ME3: variants seen among roughly 807,000 people sequenced by gnomAD.
ME3 encodes the protein malic enzyme 3.
A neutral mutation model predicts 68.9 loss-of-function variants in ME3; 48 were observed. The ratio of observed to expected loss-of-function variants is 0.70; its 90% CI spans 0.55 to 0.89. The LOEUF is 0.89. Among genes scored for constraint, ME3 ranks in the 40% least tolerant of loss-of-function variants. The probability of loss-of-function intolerance (pLI) is 0.00; values close to 1 mark genes in which losing one functional copy is unlikely to be tolerated. For missense variants in ME3, 675 were observed against 797.4 expected (o/e 0.85, Z 1.85); for synonymous variants, 320 against 318.8 (o/e 1.00, Z -0.04).
intron 4 of ME3, among the ~76,000 whole-genome samples, chr11:86,522,129 A>T (rs1954361919): frequency 1.3e-5 from 2 of 152,174 alleles, no homozygotes; most frequent in South Asian, 4.1e-4. Flanking sequence ...ACGCACCTGT[A>T]GTCCCAGCTA....
intron 8 of ME3, among the ~76,000 whole-genome samples, chr11:86,457,011 C>T (rs1390897095): frequency 1.3e-5 from 2 of 152,224 alleles, no homozygotes; most frequent in African/African-American, 4.8e-5. Context: ...AGACCCTCTG[C>T]CTCCAATGTC....
chr11:86,641,036 TGGGGGGGGGGG>T (rs1446965934), intron 2 of ME3, among the ~76,000 whole-genome samples: 4 of 140,142 alleles, frequency 2.9e-5, no homozygotes, highest in Non-Finnish European at 6.1e-5. Context: ...TCAATTTCAC[TGGGGGGGGGGG>T]TCAATGAAGG....
chr11:86,502,654 C>T (rs1002130775), intron 5 of ME3, among the ~76,000 whole-genome samples: 4 of 152,220 alleles, frequency 2.6e-5, no homozygotes, highest in Non-Finnish European at 5.9e-5. Context: ...CAAACCTGGG[C>T]AGCATCCTTG....
intron 2 of ME3, among the ~76,000 whole-genome samples, chr11:86,566,946 G>A (rs565133587): frequency 6.6e-6 from 1 of 152,164 alleles, no homozygotes; most frequent in South Asian, 2.1e-4. Context: ...GGCCAGGCGC[G>A]ATGGCTCATA....
chr11:86,622,035 C>A (rs1373714975), intron 2 of ME3, among the ~76,000 whole-genome samples: 2 of 151,876 alleles, frequency 1.3e-5, no homozygotes, highest in Non-Finnish European at 2.9e-5. Context: ...TATTGGGTAG[C>A]CTCATCAGGC....
At chr11:86,470,963 C>G (rs1225035479) in intron 7 of ME3, among the ~76,000 whole-genome samples, 2 of 152,046 alleles carry the variant, frequency 1.3e-5, no homozygotes, top group Non-Finnish European at 2.9e-5. Context: ...CATTTTGGCC[C>G]CAGCTCTATT....
chr11:86,600,623 C>G (rs1202911701), intron 2 of ME3, among the ~76,000 whole-genome samples: 7 of 151,830 alleles, frequency 4.6e-5, no homozygotes, highest in Admixed American at 4.6e-4. Flanking sequence ...CTACAGAACT[C>G]TCCACCCCAA....
chr11:86,664,124 T>G (rs995337309), intron 2 of ME3, among the ~76,000 whole-genome samples: 7 of 152,142 alleles, frequency 4.6e-5, no homozygotes, highest in Admixed American at 4.6e-4. Context: ...CCAAAGTTGG[T>G]CTGAGTATTA....
At chr11:86,616,075 AC>A (rs1465274018) in intron 2 of ME3, among the ~76,000 whole-genome samples, 3 of 152,216 alleles carry the variant, frequency 2.0e-5, no homozygotes, top group Non-Finnish European at 4.4e-5. Context: ...GTGACTATAA[AC>A]AAAAAGCAAT....
intron 5 of ME3, among the ~76,000 whole-genome samples, chr11:86,502,739 T>A (rs1285730158): frequency 6.6e-6 from 1 of 152,198 alleles, no homozygotes; most frequent in Non-Finnish European, 1.5e-5. Flanking sequence ...TTATAATTCA[T>A]AACTCCCCTG....
intron 2 of ME3, among the ~76,000 whole-genome samples, chr11:86,659,983 ATGATATCCACTATCTTCAACACCAGCT>A (rs1212987630): frequency 6.6e-6 from 1 of 152,170 alleles, no homozygotes; most frequent in African/African-American, 2.4e-5. Context: ...GAGACTACTG[ATGATATCCACTATCTTCAACACCAGCT>A]TCAACTTCCA....
At chr11:86,666,302 C>G (rs1309711139) in intron 2 of ME3, among the ~76,000 whole-genome samples, 1 of 152,192 alleles carries the variant, frequency 6.6e-6, no homozygotes, top group Non-Finnish European at 1.5e-5. Context: ...GAATTCACAG[C>G]AGAGGTAAGA....
intron 4 of ME3, among the ~76,000 whole-genome samples, chr11:86,513,638 T>C (rs1020895097): frequency 1.3e-5 from 2 of 152,130 alleles, no homozygotes; most frequent in African/African-American, 4.8e-5. Context: ...GAAATGCACA[T>C]TGGGGTCCCT....
At chr11:86,522,496 T>G (rs550775318) in intron 4 of ME3, among the ~76,000 whole-genome samples, 4 of 152,000 alleles carry the variant, frequency 2.6e-5, no homozygotes, top group Non-Finnish European at 5.9e-5. Flanking sequence ...CATTAGGTAT[T>G]TGTCCTAATG....
intron 6 of ME3, among the ~76,000 whole-genome samples, chr11:86,495,242 C>T (rs79987627): frequency 0.013 from 1,914 of 152,282 alleles, 42 homozygotes; most frequent in African/African-American, 0.043. Context: ...AGATGCTCCA[C>T]TCACAGGGTT....
chr11:86,540,265 TG>T (rs955816383), intron 4 of ME3, among the ~76,000 whole-genome samples: 1 of 152,194 alleles, frequency 6.6e-6, no homozygotes, highest in African/African-American at 2.4e-5. Context: ...ATGCTTTTTT[TG>T]TTGTTGTTGT....
chr11:86,560,758 A>G (rs1238028579), intron 2 of ME3, among the ~76,000 whole-genome samples: 71 of 134,582 alleles, frequency 5.3e-4, no homozygotes, highest in East Asian at 3.5e-3. Context: ...GTATATATAT[A>G]TATATATATA....
intron 4 of ME3, among the ~76,000 whole-genome samples, chr11:86,537,511 G>C (rs967877412): frequency 2.0e-5 from 3 of 152,110 alleles, no homozygotes; most frequent in African/African-American, 7.2e-5. Context: ...CCGTGGGGCA[G>C]GGAGTCATTT....
At chr11:86,582,137 C>T (rs528672687) in intron 2 of ME3, among the ~76,000 whole-genome samples, 4 of 152,382 alleles carry the variant, frequency 2.6e-5, no homozygotes, top group South Asian at 2.1e-4. Flanking sequence ...GGCTTTGCCA[C>T]CAGCCACTCT....
Sources: gnomAD v4.1 joint callset for allele counts (sites outside exome capture counted in the v4.1 genomes callset) on GRCh38, gnomAD v4.1.1 for gene constraint, MANE v1.5 for transcripts, NCBI Gene and HGNC (gene_info 2026-07-23, HGNC 2026-07-21) for gene names.